The following TCF4 variants were observed in gnomAD, a reference collection of about 807,000 sequenced individuals.
TCF4 encodes transcription factor 4.
A neutral mutation model predicts 82.1 loss-of-function variants in TCF4; 3 were observed. The ratio of observed to expected loss-of-function variants is 0.04; its 90% CI spans 0.02 to 0.09. The LOEUF is 0.09. Ranked by LOEUF, TCF4 falls within the 10% of genes least tolerant of loss-of-function variation. The pLI is 1.00. For synonymous variants in TCF4, 276 were observed against 309.6 expected, an observed-to-expected ratio of 0.89 and a Z score of 1.14; for missense variants, 518 against 852.7, an observed-to-expected ratio of 0.61 and a Z score of 4.89.
chr18:55,290,385 C>CT (rs1246595391), intron 8 of TCF4, among the ~76,000 whole-genome samples: 7 of 152,294 alleles, frequency 4.6e-5, no homozygotes, highest in Admixed American at 3.9e-4. Context: ...CACAAACCCA[C>CT]TTTTCATCAC....
chr18:55,518,626 G>A (rs906086721), intron 3 of TCF4, among the ~76,000 whole-genome samples: 5 of 152,066 alleles, frequency 3.3e-5, no homozygotes, highest in Admixed American at 2.6e-4. Flanking sequence ...TTTTTTAACC[G>A]TGAGATAACA....
intron 5 of TCF4, among the ~76,000 whole-genome samples, chr18:55,410,682 C>T (rs2094308337): frequency 6.6e-6 from 1 of 151,948 alleles, no homozygotes; most frequent in African/African-American, 2.4e-5. Context: ...CCACAATATG[C>T]CACCTCCGTT....
intron 19 of TCF4, 56 bp downstream of exon 19, chr18:55,228,165 T>C (rs908461553): frequency 8.1e-6 from 13 of 1,609,538 alleles, no homozygotes; most frequent in African/African-American, 6.7e-5. Flanking sequence ...TTATGGCTGA[T>C]ACACTGATGA....
At chr18:55,267,191 CAT>C (rs1475415007) in intron 11 of TCF4, 1 of 152,146 alleles carries the variant, frequency 6.6e-6, no homozygotes, top group Admixed American at 6.6e-5. Flanking sequence ...TAATCTCAAA[CAT>C]GTGTCAGGCT....
At chr18:55,429,784 A>AAC (rs1178901325) in intron 5 of TCF4, among the ~76,000 whole-genome samples, 11 of 150,946 alleles carry the variant, frequency 7.3e-5, no homozygotes, top group Middle Eastern at 3.4e-3. Context: ...AAAAAAAAAA[A>AAC]AAAAACAATT....
intron 6 of TCF4, among the ~76,000 whole-genome samples, chr18:55,384,809 C>T (rs2092431941): frequency 1.3e-5 from 2 of 151,976 alleles, no homozygotes; most frequent in South Asian, 4.2e-4. Flanking sequence ...TCAATATTGG[C>T]GGTGGGGTCA....
chr18:55,321,648 C>T (rs2075520528), intron 8 of TCF4: 10 of 1,536,136 alleles, frequency 6.5e-6, no homozygotes, highest in Non-Finnish European at 8.7e-6. Context: ...AAAAATCCCC[C>T]TCGCAGCCCG....
At chr18:55,452,355 C>G (rs998443320) in intron 5 of TCF4, among the ~76,000 whole-genome samples, 1 of 152,174 alleles carries the variant, frequency 6.6e-6, no homozygotes, top group East Asian at 1.9e-4. Flanking sequence ...GGGTTTTCTC[C>G]CCTAGGCAGT....
chr18:55,500,833 TA>T (rs2146022132), intron 3 of TCF4, among the ~76,000 whole-genome samples: 1 of 152,320 alleles, frequency 6.6e-6, no homozygotes, highest in East Asian at 1.9e-4. Flanking sequence ...CTGGCTTCAT[TA>T]TATCACAAAG....
chr18:55,549,495 T>C (rs964753775), intron 3 of TCF4, among the ~76,000 whole-genome samples: 2 of 152,198 alleles, frequency 1.3e-5, no homozygotes, highest in Non-Finnish European at 2.9e-5. Context: ...TTATAAGCTT[T>C]TTTTACTATT....
intron 1 of TCF4, among the ~76,000 whole-genome samples, chr18:55,631,587 C>T (rs980095683): frequency 2.0e-5 from 3 of 152,178 alleles, no homozygotes; most frequent in African/African-American, 7.2e-5. Flanking sequence ...GCTGCAAATA[C>T]ATAGACACAC....
At chr18:55,403,967 A>G in intron 5 of TCF4, 1 of 1,290,978 alleles carries the variant, frequency 7.7e-7, no homozygotes, top group Non-Finnish European at 9.8e-7. Flanking sequence ...TGGTGAATTT[A>G]GCAAAGAAAC....
intron 14 of TCF4, among the ~76,000 whole-genome samples, chr18:55,255,994 C>T (rs985446575): frequency 2.0e-5 from 3 of 152,166 alleles, no homozygotes; most frequent in Admixed American, 1.3e-4. Context: ...GGGAGTTAAA[C>T]TACCTCCCCT....
intron 1 of TCF4, among the ~76,000 whole-genome samples, chr18:55,632,540 G>A (rs1036852568): frequency 6.6e-6 from 1 of 152,136 alleles, no homozygotes; most frequent in Non-Finnish European, 1.5e-5. Context: ...AGCAAACCCA[G>A]GTTTAGGCTC....
chr18:55,518,340 A>G (rs1055722363), intron 3 of TCF4, among the ~76,000 whole-genome samples: 2 of 152,226 alleles, frequency 1.3e-5, no homozygotes, highest in African/African-American at 2.4e-5. Context: ...CAAAGACTCT[A>G]TCAAGAAGCT....
chr18:55,235,811 AT>A (rs5825130), intron 15 of TCF4, among the ~76,000 whole-genome samples: 54,013 of 151,636 alleles, frequency 0.36, 9,687 homozygotes, highest in Middle Eastern at 0.41. Context: ...AATCAGGTTT[AT>A]TTTTTTTTCC....
intron 2 of TCF4, among the ~76,000 whole-genome samples, chr18:55,612,672 T>C (rs976662646): frequency 1.3e-5 from 2 of 152,040 alleles, no homozygotes; most frequent in South Asian, 4.2e-4. Context: ...TACAAGAATA[T>C]ATAGTTAGCC....
intron 3 of TCF4, among the ~76,000 whole-genome samples, chr18:55,509,163 T>G (rs185706083): frequency 6.6e-6 from 1 of 152,206 alleles, no homozygotes; most frequent in East Asian, 1.9e-4. Flanking sequence ...TATTGTCCAC[T>G]GTTATCCCCA....
intron 1 of TCF4, 132 bp downstream of exon 1, chr18:55,587,906 C>T (rs1603624896): frequency 2.3e-5 from 18 of 781,236 alleles, no homozygotes; most frequent in Non-Finnish European, 2.5e-5. Context: ...GAAGGGGTGT[C>T]TCTTCTGGGA....
Sources: gnomAD v4.1 joint callset for allele counts (sites outside exome capture counted in the v4.1 genomes callset) on GRCh38, gnomAD v4.1.1 for gene constraint, MANE v1.5 for transcripts, NCBI Gene and HGNC (gene_info 2026-07-23, HGNC 2026-07-21) for gene names.